The following CALN1 variants were observed in gnomAD, a reference collection of about 807,000 sequenced individuals.
CALN1 encodes calcium-binding protein 8.
CALN1 carries 17 observed loss-of-function variants against 30.6 expected under a neutral mutation model. The ratio of observed to expected loss-of-function variants is 0.56; its 90% CI spans 0.38 to 0.83. The LOEUF (loss-of-function observed/expected upper bound fraction) is 0.83. CALN1 is among the 40% of genes least tolerant of loss of function. The pLI is 0.00. For synonymous variants in CALN1, 156 were observed against 131.4 expected (o/e 1.19, Z -1.28); for missense variants, 291 against 354.9 (o/e 0.82, Z 1.45).
chr7:71,894,726 G>T (rs34141892), intron 5 of CALN1, among the ~76,000 whole-genome samples: 17,628 of 152,200 alleles, frequency 0.12, 1,498 homozygotes, highest in East Asian at 0.43. Flanking sequence ...AAAACCCGTA[G>T]TGTTATTTAT....
the CALN1 span, among the ~76,000 whole-genome samples, chr7:72,499,035 G>T: frequency 6.6e-6 from 1 of 151,906 alleles, no homozygotes; most frequent in Non-Finnish European, 1.5e-5. Flanking sequence ...TGTCTATAAG[G>T]AATAATTTTT....
At chr7:71,854,375 G>A (rs796095045) in intron 5 of CALN1, among the ~76,000 whole-genome samples, 1 of 151,012 alleles carries the variant, frequency 6.6e-6, no homozygotes, top group South Asian at 2.1e-4. Context: ...CAGACAGACA[G>A]AGAAAGAAAG....
intron 5 of CALN1, among the ~76,000 whole-genome samples, chr7:71,886,913 AAAAATGGGGGCATAGC>A (rs1196351681): frequency 2.6e-5 from 4 of 152,292 alleles, no homozygotes; most frequent in African/African-American, 9.6e-5. Flanking sequence ...CTGAAACCAT[AAAAATGGGGGCATAGC>A]AAAATAGGAT....
At chr7:72,083,479 A>G (rs1048961189) in intron 4 of CALN1, among the ~76,000 whole-genome samples, 1 of 152,018 alleles carries the variant, frequency 6.6e-6, no homozygotes, top group African/African-American at 2.4e-5. Context: ...AGTGCTTTGT[A>G]AGGCCGAGAC....
intron 3 of CALN1, among the ~76,000 whole-genome samples, chr7:72,158,376 G>A (rs575123918): frequency 6.6e-6 from 1 of 152,200 alleles, no homozygotes. Context: ...GTCCAGGCAG[G>A]AGATGAGTTT....
chr7:72,235,438 T>G (rs570936168), intron 3 of CALN1, among the ~76,000 whole-genome samples: 51 of 152,272 alleles, frequency 3.3e-4, no homozygotes, highest in African/African-American at 1.1e-3. Context: ...AAATCTACAT[T>G]GAAGGCAACT....
intron 3 of CALN1, among the ~76,000 whole-genome samples, chr7:72,196,541 G>A (rs1791016488): frequency 6.6e-6 from 1 of 152,186 alleles, no homozygotes; most frequent in South Asian, 2.1e-4. Flanking sequence ...TGTATAGTAT[G>A]TGAACAGCTC....
chr7:72,177,400 T>C (rs1789434900), intron 3 of CALN1, among the ~76,000 whole-genome samples: 1 of 152,088 alleles, frequency 6.6e-6, no homozygotes, highest in African/African-American at 2.4e-5. Context: ...CTCAGGGTTT[T>C]TGTTAATTAA....
intron 2 of CALN1, among the ~76,000 whole-genome samples, chr7:72,338,597 T>C (rs1802236585): frequency 6.6e-6 from 1 of 151,234 alleles, no homozygotes; most frequent in Non-Finnish European, 1.5e-5. Context: ...GCATTTAGCA[T>C]TTCCTAACCT....
intron 4 of CALN1, among the ~76,000 whole-genome samples, chr7:72,104,945 A>T (rs1806973323): frequency 6.6e-6 from 1 of 152,086 alleles, no homozygotes; most frequent in Non-Finnish European, 1.5e-5. Context: ...CGACAGAGAG[A>T]GACTCCGTCT....
At chr7:72,064,980 CA>C (rs1181593113) in intron 4 of CALN1, among the ~76,000 whole-genome samples, 1 of 151,084 alleles carries the variant, frequency 6.6e-6, no homozygotes, top group Non-Finnish European at 1.5e-5. Context: ...CACTTGGGCA[CA>C]AACAGACATC....
Position 72,068,884 on chromosome 7 carries a change from A to T in CALN1, c.388+37267T>A, listed in dbSNP as rs146842197. Among the ~76,000 whole-genome samples, 4 of 152,314 alleles carry T rather than the reference A, an allele frequency of 2.6e-5. No individual in the cohort carries two copies. The East Asian group carries it at 7.7e-4, about 29-fold the overall frequency. The stretch of plus-strand genomic sequence containing the variant: ...AAGAAAAAATCTCCCAAATGGTTAA[A>T]CCATCACATAGATGTAAAATAATGC... On this transcript the variant is annotated intron_variant, in intron 4 of 6. Transcript: ENST00000395275.
intron 2 of CALN1, among the ~76,000 whole-genome samples, chr7:72,364,070 A>C (rs1000416168): frequency 1.3e-5 from 2 of 151,986 alleles, no homozygotes; most frequent in African/African-American, 4.8e-5. Context: ...GCAGTAAAAA[A>C]AAAAAATACT....
chr7:72,198,236 A>G (rs914939645), intron 3 of CALN1, among the ~76,000 whole-genome samples: 12 of 152,208 alleles, frequency 7.9e-5, no homozygotes, highest in African/African-American at 2.9e-4. Flanking sequence ...TTGTAATCAG[A>G]TATTTCAATA....
At chr7:71,827,771 TA>T (rs1554347602) in intron 5 of CALN1, among the ~76,000 whole-genome samples, 33 of 96,938 alleles carry the variant, frequency 3.4e-4, no homozygotes, top group African/African-American at 1.1e-3. Context: ...GACTCCATCT[TA>T]AAAAAATAAA....
chr7:72,418,024 G>A (rs1447596177), intron 1 of CALN1, among the ~76,000 whole-genome samples: 3 of 152,108 alleles, frequency 2.0e-5, no homozygotes, highest in African/African-American at 7.2e-5. Flanking sequence ...TGGATATATC[G>A]TGTGATGCTG....
chr7:72,445,364 T>A (rs1406750067), intron 1 of CALN1, among the ~76,000 whole-genome samples: 1 of 152,112 alleles, frequency 6.6e-6, no homozygotes, highest in Non-Finnish European at 1.5e-5. Context: ...AACCATGGCC[T>A]CAGTCCGCTT....
chr7:72,261,222 T>C (rs1796251286), intron 3 of CALN1, among the ~76,000 whole-genome samples: 1 of 152,136 alleles, frequency 6.6e-6, no homozygotes, highest in East Asian at 1.9e-4. Flanking sequence ...GCAGGAGAAT[T>C]GCTTGAACCT....
intron 1 of CALN1, among the ~76,000 whole-genome samples, chr7:72,433,021 C>G (rs1432606572): frequency 1.3e-5 from 2 of 152,144 alleles, no homozygotes; most frequent in Non-Finnish European, 2.9e-5. Context: ...TTCTACACAC[C>G]CTATGGACTA....
Sources: gnomAD v4.1 joint callset for allele counts (sites outside exome capture counted in the v4.1 genomes callset) on GRCh38, gnomAD v4.1.1 for gene constraint, MANE v1.5 for transcripts, NCBI Gene and HGNC (gene_info 2026-07-23, HGNC 2026-07-21) for gene names.